The following RBM20 variants were observed in gnomAD, a reference collection of about 807,000 sequenced individuals.
RBM20 encodes RNA-binding protein 20.
A neutral mutation model predicts 110.1 loss-of-function variants in RBM20; 51 were observed. That is an observed-to-expected ratio of 0.46 (90% CI 0.37 to 0.59). The LOEUF is 0.59. Ranked by LOEUF, RBM20 falls within the 20% of genes least tolerant of loss-of-function variation. The pLI is 0.00. For missense variants in RBM20, 1,512 were observed against 1,574.9 expected, an observed-to-expected ratio of 0.96 and a Z score of 0.68; for synonymous variants, 589 against 618.2, an observed-to-expected ratio of 0.95 and a Z score of 0.70.
At chr10:110,672,662 G>A (rs1862279808) in intron 1 of RBM20, among the ~76,000 whole-genome samples, 1 of 152,262 alleles carries the variant, frequency 6.6e-6, no homozygotes, top group Admixed American at 6.5e-5. Flanking sequence ...GGGCACAGCG[G>A]TCCCCGGTGA....
At chr10:110,806,117 A>G (rs954839767) in intron 7 of RBM20, among the ~76,000 whole-genome samples, 2 of 151,954 alleles carry the variant, frequency 1.3e-5, no homozygotes, top group Non-Finnish European at 1.5e-5. Context: ...AAAATACAAA[A>G]ATTAGCCAGG....
intron 1 of RBM20, among the ~76,000 whole-genome samples, chr10:110,748,185 T>C (rs1843807869): frequency 6.6e-6 from 1 of 152,212 alleles, no homozygotes; most frequent in Admixed American, 6.5e-5. Context: ...AGGCATTTCC[T>C]GAGATTGAAT....
chr10:110,781,856 T>G lies in RBM20; in HGVS notation c.1247T>G (p.Ile416Ser), dbSNP rs1564844456. ...APLHLPHICS[I>S]CDKKVFDLKD... is the part of the protein sequence containing the mutation. ...CTCCACTTGCCGCATATCTGTAGCA[T>G]CTGTGACAAGAAGGTGTTTGATTTG... The change falls in exon 2 of 14, where the codon ATC becomes AGC. Residue 416 changes from isoleucine (I) to serine (S), a missense_variant. By Grantham distance (142) the Ile-to-Ser change is moderately radical. Transcript: ENST00000369519. 6.4e-7 allele frequency: 1 copy of G among 1,551,738 alleles called. No individual in the cohort carries two copies. The highest frequency in any genetic ancestry group is 2.4e-5 in the East Asian group (1 of 40,922).
chr10:110,754,664 T>C (rs1843900076), intron 1 of RBM20, among the ~76,000 whole-genome samples: 1 of 152,246 alleles, frequency 6.6e-6, no homozygotes, highest in African/African-American at 2.4e-5. Context: ...ATTTTTCCTT[T>C]CTAGAAGTTC....
chr10:110,669,061 T>C (rs1048171811), intron 1 of RBM20, among the ~76,000 whole-genome samples: 3 of 152,232 alleles, frequency 2.0e-5, no homozygotes, highest in African/African-American at 4.8e-5. Context: ...AACTTAGTTG[T>C]CTTGAACCTC....
In RBM20 at chr10:110,835,987, C is replaced by A; in HGVS notation, c.*9C>A. The A allele has an allele frequency of 9.9e-7, 1 of 1,008,874 alleles. No homozygotes were observed. 62.5% of individuals were successfully genotyped at this position (1,008,874 alleles called of 1,614,324 possible). ...AAAGGAAAAAGCTCTGATGCTTCTG[C>A]TTCTGCTGCTACTGCTGCTGCTGCA... On this transcript the variant is annotated 3_prime_UTR_variant, in exon 14 of 14. Transcript: ENST00000369519.
Position 110,783,355 on chromosome 10 carries a change from T to C in RBM20, c.1276-11T>C, listed in dbSNP as rs1424304206. On this transcript the variant is annotated splice_polypyrimidine_tract_variant and intron_variant, in intron 2 of 13. Coordinates refer to ENST00000369519, the MANE Select transcript of RBM20 (RefSeq NM_001134363.3). ...TTCTACTTTGGTCACTTTTCTTTCC[T>C]TCTGACCTAGGACTGGGAGCTGCAT... is the stretch of plus-strand genomic sequence containing the variant. 1.3e-6 allele frequency: 2 copies of C among 1,549,712 alleles called. No homozygotes were observed. The highest frequency in any genetic ancestry group is 3.9e-5 in the Admixed American group (2 of 50,990).
At chr10:110,752,939 A>ATTT (rs746929801) in intron 1 of RBM20, among the ~76,000 whole-genome samples, 15 of 93,818 alleles carry the variant, frequency 1.6e-4, no homozygotes, top group Non-Finnish European at 2.8e-4. Flanking sequence ...ATATATATAT[A>ATTT]TATATATTTT....
chr10:110,647,996 T>C (rs1461599152), intron 1 of RBM20, among the ~76,000 whole-genome samples: 1 of 152,210 alleles, frequency 6.6e-6, no homozygotes, highest in Non-Finnish European at 1.5e-5. Context: ...GTAGAGGTGA[T>C]TTTCCTAACT....
At chr10:110,815,219 C>G (rs934114898) in intron 9 of RBM20, among the ~76,000 whole-genome samples, 1 of 152,192 alleles carries the variant, frequency 6.6e-6, no homozygotes, top group Non-Finnish European at 1.5e-5. Context: ...TGTAAAATAC[C>G]TCAGTTCAAG....
At chr10:110,832,453 G>A (rs1433504229) in intron 13 of RBM20, among the ~76,000 whole-genome samples, 2 of 152,110 alleles carry the variant, frequency 1.3e-5, no homozygotes, top group African/African-American at 4.8e-5. Context: ...TATATATTTA[G>A]TAGAATTTGG....
At chr10:110,736,380 T>G (rs1749245255) in intron 1 of RBM20, among the ~76,000 whole-genome samples, 1 of 112,110 alleles carries the variant, frequency 8.9e-6, no homozygotes, top group Admixed American at 7.8e-5. Flanking sequence ...CAAGACACTG[T>G]TGTATAAAAC....
chr10:110,821,826 G>C lies in RBM20; in HGVS notation c.3207G>C (p.Arg1069Ser), dbSNP rs1844916640. 1 of 1,551,638 alleles carries C rather than the reference G, an allele frequency of 6.4e-7. No individual in the cohort carries two copies. Among genetic ancestry groups the C allele is most frequent in the Non-Finnish European group, 8.7e-7 (1 of 1,147,018 alleles). The change falls in exon 11 of 14, where the codon AGG becomes AGC. Residue 1069 changes from arginine to serine, a missense_variant. Coordinates refer to ENST00000369519, the MANE Select transcript of RBM20 (RefSeq NM_001134363.3). ...PSPFVDDCKT[R>S]GTPEDGACEG... ...CATTTGTGGATGATTGCAAGACCAG[G>C]GGGACCCCCGAAGATGGGGCTTGTG... is the stretch of plus-strand genomic sequence containing the variant.
chr10:110,647,154 T>G (rs2134798339), intron 1 of RBM20, among the ~76,000 whole-genome samples: 1 of 152,306 alleles, frequency 6.6e-6, no homozygotes, highest in African/African-American at 2.4e-5. Context: ...GGAAAAACCA[T>G]AGTAACAATT....
intron 1 of RBM20, among the ~76,000 whole-genome samples, chr10:110,657,785 T>A (rs1231755993): frequency 6.6e-6 from 1 of 152,232 alleles, no homozygotes; most frequent in East Asian, 1.9e-4. Context: ...GTATGAACAT[T>A]CCTTTGCAAG....
intron 1 of RBM20, among the ~76,000 whole-genome samples, chr10:110,759,425 G>A (rs1156528456): frequency 1.3e-5 from 2 of 152,146 alleles, no homozygotes; most frequent in South Asian, 4.1e-4. Context: ...GCCACTTTAT[G>A]TTGAAAGGAT....
intron 7 of RBM20, among the ~76,000 whole-genome samples, chr10:110,806,672 T>C (rs1037191970): frequency 1.3e-5 from 2 of 152,226 alleles, no homozygotes; most frequent in African/African-American, 2.4e-5. Flanking sequence ...TAGTCATCAT[T>C]GTTGGCTGAA....
At chr10:110,819,986 G>T in intron 9 of RBM20, 86 bp from the exon 10 acceptor site, 1 of 786,004 alleles carries the variant, frequency 1.3e-6, no homozygotes, top group Non-Finnish European at 2.0e-6. Context: ...CTGAGAGCTG[G>T]GACCTGCATT....
chr10:110,736,900 C>T (rs538634808), intron 1 of RBM20, among the ~76,000 whole-genome samples: 53 of 152,062 alleles, frequency 3.5e-4, no homozygotes, highest in Non-Finnish European at 5.7e-4. Flanking sequence ...CCCGGCCTGG[C>T]GCAGTGGCTC....
Sources: gnomAD v4.1 joint callset for allele counts (sites outside exome capture counted in the v4.1 genomes callset) on GRCh38, gnomAD v4.1.1 for gene constraint, MANE v1.5 for transcripts, NCBI Gene and HGNC (gene_info 2026-07-23, HGNC 2026-07-21) for gene names.